PAPSS1: variants seen among roughly 807,000 people sequenced by gnomAD.
PAPSS1 encodes bifunctional 3'-phosphoadenosine 5'-phosphosulfate synthase 1.
PAPSS1 carries 50 observed loss-of-function variants against 72.0 expected under a neutral mutation model. The observed-to-expected ratio is 0.69, with a 90% CI of 0.55 to 0.88. The LOEUF (loss-of-function observed/expected upper bound fraction) is 0.88. Ranked by LOEUF, PAPSS1 falls within the 40% of genes least tolerant of loss-of-function variation. The pLI is 0.00. For missense variants in PAPSS1, 657 were observed against 782.2 expected (o/e 0.84, Z 1.91); for synonymous variants, 261 against 263.6 (o/e 0.99, Z 0.09).
At chr4:107,646,306 TATATACAC>T (rs753380158) in intron 9 of PAPSS1, among the ~76,000 whole-genome samples, 7 of 123,382 alleles carry the variant, frequency 5.7e-5, no homozygotes, top group Admixed American at 7.9e-5. Context: ...TATATATATA[TATATACAC>T]ACACACACAC....
intron 3 of PAPSS1, among the ~76,000 whole-genome samples, chr4:107,689,907 G>A (rs574196332): frequency 6.6e-6 from 1 of 152,238 alleles, no homozygotes; most frequent in African/African-American, 2.4e-5. Flanking sequence ...CCTTTATTCA[G>A]AAAGCACCAT....
chr4:107,664,314 C>T (rs1727261604), intron 5 of PAPSS1, among the ~76,000 whole-genome samples: 2 of 152,166 alleles, frequency 1.3e-5, no homozygotes, highest in Non-Finnish European at 2.9e-5. Context: ...AGGTTTACTG[C>T]TGAAAATTGT....
intron 10 of PAPSS1, among the ~76,000 whole-genome samples, chr4:107,638,737 C>T (rs7661034): frequency 0.23 from 35,269 of 152,084 alleles, 4,172 homozygotes; most frequent in East Asian, 0.37. Context: ...GGTCCTTCAA[C>T]AGGGTGAGAA....
In PAPSS1 at chr4:107,654,790, C is replaced by A. The variant is rs758860273; in HGVS notation, c.1006G>T (p.Ala336Ser). Residue 336 changes from alanine to serine, a missense_variant, in exon 8 of 12, where the codon GCC becomes TCC. This residue lies in a region of PAPSS1 where 190 missense variants were observed against 176.7 expected (regional missense o/e 1.07). Coordinates refer to ENST00000265174, the MANE Select transcript of PAPSS1 (RefSeq NM_005443.5). Reference sequence around the variant, plus strand: ...AAAAACTCTGGATTGCGAAGAATGGCCACACGGCGGCCCTCATACATCAGA... The same window carrying A: ...AAAAACTCTGGATTGCGAAGAATGGACACACGGCGGCCCTCATACATCAGA... ...FALMYEGRRVAILRNPEFFEH... is the reference protein window; with the variant it reads ...FALMYEGRRVSILRNPEFFEH... The A allele has an allele frequency of 2.4e-5, 39 of 1,613,870 alleles. No individual in the cohort carries two copies. The highest frequency in any genetic ancestry group is 3.1e-5 in the Non-Finnish European group (37 of 1,179,926).
intron 9 of PAPSS1, among the ~76,000 whole-genome samples, chr4:107,650,831 A>G (rs555809823): frequency 6.6e-6 from 1 of 152,256 alleles, no homozygotes; most frequent in Admixed American, 6.5e-5. Flanking sequence ...CAAACATCCA[A>G]AACAGGAAGA....
chr4:107,708,344 T>C (rs911353831), intron 1 of PAPSS1, among the ~76,000 whole-genome samples: 16 of 152,294 alleles, frequency 1.1e-4, no homozygotes, highest in Non-Finnish European at 7.4e-5. Context: ...CTCCCATTGA[T>C]ACTGGCTAAG....
At chr4:107,719,529 AAC>A (rs1451276108) in intron 1 of PAPSS1, among the ~76,000 whole-genome samples, 4 of 152,216 alleles carry the variant, frequency 2.6e-5, no homozygotes, top group Admixed American at 2.6e-4. Flanking sequence ...ATTCCGATTT[AAC>A]ACAGAGACAC....
rs1433145334 is a variant in PAPSS1, at chr4:107,614,398, G to C, written c.1737-11C>G. 1 of 1,584,434 alleles carries C rather than the reference G, an allele frequency of 6.3e-7. No individual in the cohort carries two copies. Among genetic ancestry groups the C allele is most frequent in the Non-Finnish European group, 8.6e-7 (1 of 1,166,404 alleles). ...TCAAAGTCTTCATGGCTAAAGGAGAGGAAAAAAAGAAAATTATTTCATAAT... is the reference window on the plus strand; with the variant it reads ...TCAAAGTCTTCATGGCTAAAGGAGACGAAAAAAAGAAAATTATTTCATAAT... On this transcript the variant is annotated splice_polypyrimidine_tract_variant and intron_variant, in intron 11 of 11. Coordinates refer to ENST00000265174, the MANE Select transcript of PAPSS1 (RefSeq NM_005443.5).
Position 107,687,156 on chromosome 4 carries a change from T to C in PAPSS1, c.433A>G (p.Ile145Val), listed in dbSNP as rs759504281. Residue 145 changes from isoleucine to valine, a missense_variant, in exon 4 of 12, where the codon ATT (isoleucine) becomes GTT (valine). This residue lies in a region of PAPSS1 where 119 missense variants were observed against 171.1 expected (regional missense o/e 0.70). Transcript: ENST00000265174. Reference sequence around the variant, plus strand: ...AACGGTAAACTTGCACCTTCATGAATTTGCCTTGCATTGTTGCGATCCTTA... The same window carrying C: ...AACGGTAAACTTGCACCTTCATGAACTTGCCTTGCATTGTTGCGATCCTTA... Reference protein sequence around the residue: ...YTQDRNNARQIHEGASLPFFE... With the variant: ...YTQDRNNARQVHEGASLPFFE... The C allele has an allele frequency of 6.3e-7, 1 of 1,587,874 alleles. No individual in the cohort carries two copies. Among genetic ancestry groups the C allele is most frequent in the Non-Finnish European group, 8.5e-7 (1 of 1,171,936 alleles).
chr4:107,634,923 G>A (rs1018200083), intron 10 of PAPSS1, among the ~76,000 whole-genome samples: 7 of 148,924 alleles, frequency 4.7e-5, no homozygotes, highest in East Asian at 2.0e-4. Flanking sequence ...TCAGTCTCCC[G>A]AGTAGCTGGG....
At chr4:107,682,533 T>C in intron 4 of PAPSS1, among the ~76,000 whole-genome samples, 1 of 152,182 alleles carries the variant, frequency 6.6e-6, no homozygotes, top group Non-Finnish European at 1.5e-5. Context: ...AGATTACAAA[T>C]AAATTTTGTC....
intron 11 of PAPSS1, 35 bp downstream of exon 11, chr4:107,631,596 A>T (rs745406892): frequency 1.4e-6 from 2 of 1,454,482 alleles, no homozygotes; most frequent in South Asian, 1.2e-5. Flanking sequence ...ACCACGAAGT[A>T]CTTCAAAGAT....
chr4:107,634,189 T>C (rs970217735), intron 10 of PAPSS1, among the ~76,000 whole-genome samples: 2 of 152,006 alleles, frequency 1.3e-5, no homozygotes, highest in African/African-American at 2.4e-5. Context: ...GGCTATTTTT[T>C]ATTTTTTGTA....
At chr4:107,678,732 A>G (rs1727727175) in intron 5 of PAPSS1, among the ~76,000 whole-genome samples, 1 of 152,196 alleles carries the variant, frequency 6.6e-6, no homozygotes, top group South Asian at 2.1e-4. Context: ...GCAGGTGCTC[A>G]AAACATAAAT....
intron 1 of PAPSS1, among the ~76,000 whole-genome samples, chr4:107,710,100 A>T (rs1723447954): frequency 6.6e-6 from 1 of 152,122 alleles, no homozygotes; most frequent in Non-Finnish European, 1.5e-5. Context: ...TCCTTTCTAT[A>T]ATTCTGCTGA....
At chr4:107,664,053 A>G (rs1025441337) in intron 5 of PAPSS1, among the ~76,000 whole-genome samples, 2 of 152,192 alleles carry the variant, frequency 1.3e-5, no homozygotes, top group African/African-American at 4.8e-5. Flanking sequence ...GCAATTTGCA[A>G]CCAACTGTTC....
chr4:107,675,884 A>G (rs1277296669), intron 5 of PAPSS1, among the ~76,000 whole-genome samples: 1 of 152,170 alleles, frequency 6.6e-6, no homozygotes, highest in Non-Finnish European at 1.5e-5. Flanking sequence ...TTCAACATAC[A>G]CAAATCAATA....
chr4:107,618,088 T>C (rs958562918), intron 11 of PAPSS1, among the ~76,000 whole-genome samples: 1 of 152,012 alleles, frequency 6.6e-6, no homozygotes, highest in African/African-American at 2.4e-5. Context: ...AAACTGAGTT[T>C]GAGAAAATGG....
intron 3 of PAPSS1, among the ~76,000 whole-genome samples, chr4:107,689,600 C>T (rs1202070570): frequency 6.6e-6 from 1 of 152,168 alleles, no homozygotes; most frequent in African/African-American, 2.4e-5. Context: ...TATGATCTTA[C>T]TATTCTAACT....
Sources: allele counts gnomAD v4.1 joint callset (sites outside exome capture counted in the v4.1 genomes callset), GRCh38; gene constraint gnomAD v4.1.1; regional missense constraint gnomAD v4.1.1; transcripts MANE v1.5; gene names NCBI Gene and HGNC (gene_info 2026-07-23, HGNC 2026-07-21).